CLTCL1: variants seen among roughly 807,000 people sequenced by gnomAD.
CLTCL1 encodes clathrin heavy chain 2.
Under a neutral mutation model 190.0 loss-of-function variants are expected in CLTCL1, and 159 were observed. That is an observed-to-expected ratio of 0.84 (90% confidence interval 0.74 to 0.95). The LOEUF (loss-of-function observed/expected upper bound fraction) is 0.95. Ranked by LOEUF, CLTCL1 falls within the 40% of genes least tolerant of loss-of-function variation. The pLI is 0.00. For synonymous variants in CLTCL1, 752 were observed against 769.6 expected (o/e 0.98, Z 0.38); for missense variants, 1,878 against 2,033.4 (o/e 0.92, Z 1.47).
intron 1 of CLTCL1, among the ~76,000 whole-genome samples, chr22:19,280,494 T>C (rs1358809486): frequency 6.6e-6 from 1 of 151,958 alleles, no homozygotes; most frequent in East Asian, 1.9e-4. Context: ...TGCTACAACA[T>C]GAATGAACCT....
At chr22:19,257,986 C>T in intron 2 of CLTCL1, 1 of 603,638 alleles carries the variant, frequency 1.7e-6, no homozygotes, top group South Asian at 1.4e-5. Context: ...TGCACACTGA[C>T]AATGCCCATC....
intron 29 of CLTCL1, 85 bp from the exon 30 acceptor site, chr22:19,183,696 G>C: frequency 7.5e-7 from 1 of 1,328,096 alleles, no homozygotes; most frequent in Non-Finnish European, 1.1e-6. Context: ...GCAGGGAGTG[G>C]CACTAGACTC....
chr22:19,180,853 T>C (rs56363395), intron 30 of CLTCL1, 47 bp from the exon 31 acceptor site: 1 of 1,556,400 alleles, frequency 6.4e-7, no homozygotes, highest in Non-Finnish European at 8.9e-7. Context: ...CAGAGTGCAG[T>C]CCGGCCTCTA....
chr22:19,225,783 C>T (rs782710180), intron 12 of CLTCL1, 150 bp from the exon 13 acceptor site: 24 of 723,096 alleles, frequency 3.3e-5, no homozygotes, highest in South Asian at 4.3e-5. Flanking sequence ...CTATCCATCA[C>T]GGGAAAAAGT....
At position 19,232,506 on chromosome 22, in the gene CLTCL1, C is replaced by T; in HGVS notation, c.1614G>A (p.Gln538=). The change falls in exon 10 of 33, where the codon CAG becomes CAA. Residue 538 remains glutamine (Q), a synonymous_variant. Transcript: ENST00000427926. ...QGLQFSRMLV[Q]DEEPLANISQ... ...TAATGTTGGCCAGCGGCTCCTCGTC[C>T]TGCACTAGCATTCGAGAAAACTGCA... The T allele has an allele frequency of 6.2e-7, 1 of 1,614,020 alleles. No individual in the cohort carries two copies. Among genetic ancestry groups the T allele is most frequent in the Admixed American group, 1.7e-5 (1 of 60,028 alleles).
chr22:19,208,005 C>T, intron 22 of CLTCL1, 149 bp downstream of exon 22: 1 of 845,094 alleles, frequency 1.2e-6, no homozygotes. Flanking sequence ...CTTGAATCAT[C>T]CCCAAACCAC....
chr22:19,200,658 G>T (rs1555938708), intron 23 of CLTCL1, among the ~76,000 whole-genome samples: 1 of 152,092 alleles, frequency 6.6e-6, no homozygotes, highest in African/African-American at 2.4e-5. Context: ...GGCTAACATG[G>T]TGAAACCCCG....
At chr22:19,262,709 C>G (rs2086991649) in intron 2 of CLTCL1, among the ~76,000 whole-genome samples, 1 of 151,038 alleles carries the variant, frequency 6.6e-6, no homozygotes, top group Non-Finnish European at 1.5e-5. Flanking sequence ...CCATTGGCAT[C>G]AAGGCAAGAC....
intron 29 of CLTCL1, among the ~76,000 whole-genome samples, chr22:19,186,113 C>T (rs782057012): frequency 6.6e-6 from 1 of 152,180 alleles, no homozygotes; most frequent in Non-Finnish European, 1.5e-5. Flanking sequence ...TCTGAGCCAA[C>T]AGCCGCAGAC....
intron 23 of CLTCL1, 53 bp downstream of exon 23, chr22:19,201,276 G>A (rs1004261935): frequency 1.7e-5 from 26 of 1,548,240 alleles, no homozygotes; most frequent in Middle Eastern, 4.6e-4. Flanking sequence ...CAAAGGACAC[G>A]GAGAGCGTGC....
intron 18 of CLTCL1, 58 bp from the exon 19 acceptor site, chr22:19,216,314 T>C (rs541409021): frequency 1.9e-6 from 3 of 1,561,794 alleles, no homozygotes; most frequent in East Asian, 4.5e-5. Flanking sequence ...ACTGTATCTT[T>C]GAAGCTAAAC....
intron 18 of CLTCL1, among the ~76,000 whole-genome samples, chr22:19,219,122 T>C (rs1555950994): frequency 6.6e-6 from 1 of 152,206 alleles, no homozygotes; most frequent in African/African-American, 2.4e-5. Flanking sequence ...GGCAAGCTAT[T>C]TCTGCAGGGG....
At chr22:19,214,742 G>C (rs1555948684) in intron 19 of CLTCL1, among the ~76,000 whole-genome samples, 1 of 148,318 alleles carries the variant, frequency 6.7e-6, no homozygotes, top group East Asian at 2.0e-4. Context: ...GTATAGTGGT[G>C]CCATCTCGGC....
rs1157503442 is a variant in CLTCL1, at chr22:19,208,959, G to GGAA, written c.3402_3404dup (p.Ser1136dup). ...CTGACTGAACAACTTCCAGGTAAGA[G>GGAA]GAAGGGTCGTCCCCTCTGATATAGG... On this transcript the variant is annotated inframe_insertion, in exon 21 of 33. Transcript: ENST00000427926. 1.2e-6 allele frequency: 2 copies of GGAA among 1,611,356 alleles called. No individual in the cohort carries two copies. Among genetic ancestry groups the GGAA allele is most frequent in the African/African-American group, 2.7e-5 (2 of 74,990 alleles).
In CLTCL1 at chr22:19,201,460, C is replaced by A; in HGVS notation, c.3634G>T (p.Glu1212Ter). ...GDRCYEEGMY[E>*]AAKLLYSNVS... ...TTGCTATAGAGCAGCTTGGCAGCCTCGTACATTCCCTCCTCGTAACAGCGG... is the reference window on the plus strand; with the variant it reads ...TTGCTATAGAGCAGCTTGGCAGCCTAGTACATTCCCTCCTCGTAACAGCGG... The change falls in exon 23 of 33, where the codon GAG (glutamate) becomes TAG (stop). Residue 1212 changes from glutamate (E) to a stop codon, truncating the protein, a stop_gained. Coordinates refer to ENST00000427926, the MANE Select transcript of CLTCL1 (RefSeq NM_007098.4). LOFTEE classifies it high-confidence loss of function. 6.2e-7 allele frequency: 1 copy of A among 1,613,754 alleles called. No individual in the cohort carries two copies. Among genetic ancestry groups the A allele is most frequent in the Non-Finnish European group, 8.5e-7 (1 of 1,179,738 alleles).
In CLTCL1 at chr22:19,247,553, ATTTGT is replaced by A. The variant is rs572220346; in HGVS notation, c.520-4622_520-4618del. 2.6e-5 allele frequency among the ~76,000 whole-genome samples: 4 copies of A among 151,830 alleles called. No individual in the cohort carries two copies. The East Asian group carries it at 5.8e-4, about 22-fold the overall frequency. Reference sequence around the variant, plus strand: ...TTTTTATTTTGTTGTTGTTGTTGTCATTTGTTTTGTTTTGTTTTGTTTTTGAGGCA... The same window carrying A: ...TTTTTATTTTGTTGTTGTTGTTGTCATTTGTTTTGTTTTGTTTTTGAGGCA... On this transcript the variant is annotated intron_variant, in intron 3 of 32. Transcript: ENST00000427926.
chr22:19,235,345 T>A lies in CLTCL1; in HGVS notation c.969+351A>T, dbSNP rs568298497. On this transcript the variant is annotated intron_variant, in intron 6 of 32. Coordinates refer to ENST00000427926, the MANE Select transcript of CLTCL1 (RefSeq NM_007098.4). ...CTATTGTGCCCAGCCAAGAGTTTCT[T>A]CTTTTAACTATCTTTTTCAACTATG... Among the ~76,000 whole-genome samples, 4 of 152,356 alleles carry A rather than the reference T, an allele frequency of 2.6e-5. No homozygotes were observed. The East Asian group carries it at 7.7e-4, about 29-fold the overall frequency.
At chr22:19,261,387 G>A (rs2086944543) in intron 2 of CLTCL1, among the ~76,000 whole-genome samples, 1 of 152,178 alleles carries the variant, frequency 6.6e-6, no homozygotes, top group Non-Finnish European at 1.5e-5. Flanking sequence ...TGGGATTACA[G>A]GCGGAAGCCA....
In CLTCL1 at chr22:19,281,109, T is replaced by C. The variant is rs1601733050; in HGVS notation, c.43-5279A>G. Among the ~76,000 whole-genome samples, 3 of 150,322 alleles carry C rather than the reference T, an allele frequency of 2.0e-5. No individual in the cohort carries two copies. In the Admixed American group the frequency reaches 2.0e-4, roughly 10 times the overall value. On this transcript the variant is annotated intron_variant, in intron 1 of 32. Transcript: ENST00000427926. ...ATCGAGACCATCCTGGCTAACACAG[T>C]GAAACCCTGTCTCTACTAAAAAAAA...
Sources: gnomAD v4.1 joint callset for allele counts (sites outside exome capture counted in the v4.1 genomes callset) on GRCh38, gnomAD v4.1.1 for gene constraint, MANE v1.5 for transcripts, NCBI Gene and HGNC (gene_info 2026-07-23, HGNC 2026-07-21) for gene names.